Variants in EIF3B observed in about 807,000 individuals in gnomAD.
EIF3B encodes eukaryotic translation initiation factor 3 subunit 9.
In EIF3B, 10 loss-of-function variants were observed where a neutral mutation model predicts 104.6. The observed-to-expected ratio is 0.10, with a 90% CI of 0.06 to 0.16. The LOEUF (loss-of-function observed/expected upper bound fraction) is 0.16, where lower values mean the gene tolerates loss of function less well. Among genes scored for constraint, EIF3B ranks in the 10% least tolerant of loss-of-function variants. The probability of loss-of-function intolerance (pLI) is 1.00; values close to 1 mark genes in which losing one functional copy is unlikely to be tolerated. For missense variants in EIF3B, 1,014 were observed against 1,087.9 expected (o/e 0.93, Z 0.96); for synonymous variants, 542 against 417.2 (o/e 1.30, Z -3.65).
At chr7:2,355,543 G>C in intron 1 of EIF3B, 123 bp downstream of exon 1, 1 of 1,318,390 alleles carries the variant, frequency 7.6e-7, no homozygotes, top group Non-Finnish European at 9.8e-7. Flanking sequence ...GTGTCCGTGT[G>C]TTCCTGAGAA....
In EIF3B at chr7:2,355,359, C is replaced by A. The variant is rs773434647; in HGVS notation, c.438C>A (p.Gly146=). The A allele has an allele frequency of 2.0e-6, 3 of 1,536,322 alleles. No individual in the cohort carries two copies. In the African/African-American group the frequency reaches 4.1e-5, roughly 21 times the overall value. Residue 146 remains glycine, a synonymous_variant, in exon 1 of 19, where the codon GGC becomes GGA. Coordinates refer to ENST00000360876, the MANE Select transcript of EIF3B (RefSeq NM_001037283.2). The part of the protein sequence containing the change: ...AEAEPRALEN[G]DADEPSFSDP... ...CCGAACCCCGGGCGCTGGAGAACGG[C>A]GACGCGGACGAGCCCTCCTTCAGCG... is the stretch of plus-strand genomic sequence containing the variant.
At position 2,380,370 on chromosome 7, in the gene EIF3B, C is replaced by G. The variant is rs762726406; in HGVS notation, c.*181C>G. ...TGTGCTCTCTGGCTCTGGACTGTGA[C>G]TGCGCCTGGATTCTGCCATTGCGAC... On this transcript the variant is annotated 3_prime_UTR_variant, in exon 19 of 19. Coordinates refer to ENST00000360876, the MANE Select transcript of EIF3B (RefSeq NM_001037283.2). The G allele has an allele frequency of 1.3e-5, 7 of 518,930 alleles. No homozygotes were observed. The highest frequency in any genetic ancestry group is 2.7e-5 in the Non-Finnish European group (7 of 259,786). The allele number at this position is 518,930 out of a possible 1,614,324, so 32.1% of individuals were successfully genotyped here.
intron 1 of EIF3B, among the ~76,000 whole-genome samples, chr7:2,360,377 T>C (rs867934023): frequency 2.5e-4 from 38 of 152,236 alleles, no homozygotes; most frequent in Non-Finnish European, 1.0e-4. Context: ...GAAGATCTAA[T>C]AGTGGATATT....
intron 18 of EIF3B, chr7:2,379,813 A>G (rs988738684): frequency 7.6e-6 from 3 of 394,802 alleles, no homozygotes; most frequent in African/African-American, 6.2e-5. Flanking sequence ...CCATTTCCTG[A>G]TACCTGTGCT....
chr7:2,364,900 T>C (rs546896078), intron 6 of EIF3B, among the ~76,000 whole-genome samples: 9 of 152,382 alleles, frequency 5.9e-5, no homozygotes, highest in Non-Finnish European at 1.2e-4. Flanking sequence ...GACCTAATAA[T>C]GTTCTGTATA....
intron 18 of EIF3B, chr7:2,379,738 G>C: frequency 1.9e-6 from 1 of 523,828 alleles, no homozygotes; most frequent in African/African-American, 1.9e-5. Flanking sequence ...AGGCAGTGCT[G>C]GGTGAGGGAG....
chr7:2,362,631 CCT>C lies in EIF3B; in HGVS notation c.693-8_693-7del, dbSNP rs1273498372. 4.3e-6 allele frequency: 7 copies of C among 1,614,096 alleles called. No homozygotes were observed. The highest frequency in any genetic ancestry group is 5.9e-6 in the Non-Finnish European group (7 of 1,180,004). ...TACAGTGTGGGTATGTGCCAACGGC[CCT>C]CTCTCACTCAGGTATATTTTCCTGG... is the stretch of plus-strand genomic sequence containing the variant. On this transcript the variant is annotated splice_polypyrimidine_tract_variant and intron_variant, in intron 2 of 18. Coordinates refer to ENST00000360876, the MANE Select transcript of EIF3B (RefSeq NM_001037283.2).
chr7:2,361,310 T>C (rs1779713383), intron 2 of EIF3B, among the ~76,000 whole-genome samples: 1 of 152,160 alleles, frequency 6.6e-6, no homozygotes. Context: ...TTTCTAGAAT[T>C]ATCAAATACA....
At chr7:2,365,996 A>G (rs1441530190) in intron 6 of EIF3B, among the ~76,000 whole-genome samples, 1 of 152,030 alleles carries the variant, frequency 6.6e-6, no homozygotes. Flanking sequence ...GTATTTTTTT[A>G]ACTTGTTAGT....
intron 12 of EIF3B, 100 bp from the exon 13 acceptor site, chr7:2,374,428 C>T: frequency 8.9e-7 from 1 of 1,117,336 alleles, no homozygotes. Context: ...CCAGCTCTGC[C>T]CTCATGGGCA....
intron 4 of EIF3B, among the ~76,000 whole-genome samples, chr7:2,363,389 G>GATCAC (rs1779844203): frequency 1.0e-5 from 1 of 97,884 alleles, no homozygotes; most frequent in South Asian, 5.4e-4. Flanking sequence ...AGCCTGGGAG[G>GATCAC]TTGAGCCTGG....
rs1779311307 is a variant in EIF3B, at chr7:2,354,984, G to T, written c.63G>T (p.Gln21His). The change falls in exon 1 of 19, where the codon CAG becomes CAT. Residue 21 changes from glutamine (Q) to histidine (H), a missense_variant. Physicochemically the swap from Gln to His is conservative, Grantham distance 24. This residue lies in a region of EIF3B where 488 missense variants were observed against 404.3 expected (regional missense o/e 1.21). Transcript: ENST00000360876. ...CCGAGGAGCGCGCCGAGCCCGGCCA[G>T]CAGCAGCCGGCCGCCGAGCCGCCGC... The part of the protein sequence containing the change: ...EAAEERAEPG[Q>H]QQPAAEPPPA... The T allele has an allele frequency of 8.5e-7, 1 of 1,171,314 alleles. No individual in the cohort carries two copies. The highest frequency in any genetic ancestry group is 1.6e-5 in the African/African-American group (1 of 61,436). 72.6% of individuals were successfully genotyped at this position (1,171,314 alleles called of 1,614,324 possible). A position where few individuals can be genotyped will look rare whatever the true frequency, so the allele number is the denominator to read the frequency against.
chr7:2,379,316 T>C (rs2115345945), intron 17 of EIF3B, 74 bp downstream of exon 17: 1 of 1,555,702 alleles, frequency 6.4e-7, no homozygotes, highest in Non-Finnish European at 8.8e-7. Flanking sequence ...CGCGGACTCC[T>C]GCGTTCCTTC....
intron 1 of EIF3B, among the ~76,000 whole-genome samples, chr7:2,359,631 C>A (rs1011961113): frequency 3.9e-5 from 6 of 152,176 alleles, no homozygotes; most frequent in Non-Finnish European, 8.8e-5. Context: ...ATTAATGGAA[C>A]CCAAGAAGCG....
intron 10 of EIF3B, among the ~76,000 whole-genome samples, chr7:2,369,912 G>A (rs1780232216): frequency 6.6e-6 from 1 of 151,094 alleles, no homozygotes; most frequent in African/African-American, 2.4e-5. Flanking sequence ...AAGTAGCTGG[G>A]ACTATAGGCG....
rs1212256812 is a variant in EIF3B, at chr7:2,375,435, A to T, written c.1936A>T (p.Met646Leu). The change falls in exon 14 of 19, where the codon ATG (methionine) becomes TTG (leucine). Residue 646 changes from methionine (M) to leucine (L), a missense_variant. Physicochemically the swap from Met to Leu is conservative, Grantham distance 15. Coordinates refer to ENST00000360876, the MANE Select transcript of EIF3B (RefSeq NM_001037283.2). ...TGTGGACACTTCGGACTGCACGGTCATGAACATCGCAGAGCACTACATGGC... is the reference window on the plus strand; with the variant it reads ...TGTGGACACTTCGGACTGCACGGTCTTGAACATCGCAGAGCACTACATGGC... ...AFVDTSDCTV[M>L]NIAEHYMASD... The T allele has an allele frequency of 4.7e-5, 76 of 1,614,128 alleles. No individual in the cohort carries two copies. The highest frequency in any genetic ancestry group is 5.7e-5 in the Non-Finnish European group (67 of 1,180,050).
chr7:2,357,697 C>T (rs936005755), intron 1 of EIF3B, among the ~76,000 whole-genome samples: 5 of 152,056 alleles, frequency 3.3e-5, no homozygotes, highest in South Asian at 2.1e-4. Context: ...TCCTGGAGAC[C>T]GCTTGGGAAT....
intron 10 of EIF3B, among the ~76,000 whole-genome samples, chr7:2,371,248 C>T (rs2115321320): frequency 6.6e-6 from 1 of 152,352 alleles, no homozygotes; most frequent in East Asian, 1.9e-4. Flanking sequence ...AGCGTTCCCA[C>T]AGCTGGTCCA....
chr7:2,372,859 C>G, intron 12 of EIF3B, 64 bp downstream of exon 12: 2 of 1,562,846 alleles, frequency 1.3e-6, no homozygotes, highest in Non-Finnish European at 1.7e-6. Context: ...CAGTCGCTGC[C>G]CAACAGTGAG....
Sources: allele counts gnomAD v4.1 joint callset (sites outside exome capture counted in the v4.1 genomes callset), GRCh38; gene constraint gnomAD v4.1.1; regional missense constraint gnomAD v4.1.1; transcripts MANE v1.5; gene names NCBI Gene and HGNC (gene_info 2026-07-23, HGNC 2026-07-21).